The following CENPE variants were observed in gnomAD, a reference collection of about 807,000 sequenced individuals.
CENPE encodes centromere protein E.
CENPE carries 145 observed loss-of-function variants against 336.1 expected under a neutral mutation model. That is an observed-to-expected ratio of 0.43 (90% confidence interval 0.38 to 0.50). The LOEUF (loss-of-function observed/expected upper bound fraction) is 0.50. Among genes scored for constraint, CENPE ranks in the 20% least tolerant of loss-of-function variants. CENPE has a pLI of 0.00. For missense variants in CENPE, 2,719 were observed against 3,023.3 expected (o/e 0.90, Z 2.36); for synonymous variants, 1,013 against 984.8 (o/e 1.03, Z -0.54).
In CENPE at chr4:103,121,800, AT is replaced by A. The variant is rs1292969593; in HGVS notation, c.7143+1070del. On this transcript the variant is annotated intron_variant, in intron 43 of 48. Coordinates refer to ENST00000265148, the MANE Select transcript of CENPE (RefSeq NM_001813.3). ...TATCTTAAACTCCTAGGCTCAAGTAATCCTCCAACCTTGGCCTCCCAAAGTA... is the reference window on the plus strand; with the variant it reads ...TATCTTAAACTCCTAGGCTCAAGTAACCTCCAACCTTGGCCTCCCAAAGTA... 4.6e-5 allele frequency among the ~76,000 whole-genome samples: 7 copies of A among 152,188 alleles called. No homozygotes were observed. The South Asian group carries it at 1.5e-3, about 32-fold the overall frequency.
In CENPE at chr4:103,140,394, TTCC is replaced by T; in HGVS notation, c.5772_5774del (p.Glu1925del). On this transcript the variant is annotated inframe_deletion, in exon 37 of 49. Coordinates refer to ENST00000265148, the MANE Select transcript of CENPE (RefSeq NM_001813.3). The stretch of plus-strand genomic sequence containing the variant: ...TTGATAGCATACGAGCAGTTTTTAG[TTCC>T]TGTTGTATTTCCAGATCCTTTATGG... The T allele has an allele frequency of 6.3e-7, 1 of 1,594,854 alleles. No homozygotes were observed. The highest frequency in any genetic ancestry group is 8.5e-7 in the Non-Finnish European group (1 of 1,173,098).
chr4:103,116,706 G>A lies in CENPE; in HGVS notation c.7330-17C>T. The A allele has an allele frequency of 7.2e-7, 1 of 1,382,346 alleles. No individual in the cohort carries two copies. The highest frequency in any genetic ancestry group is 1.0e-6 in the Non-Finnish European group (1 of 1,002,200). The allele number at this position is 1,382,346 out of a possible 1,614,324, so 85.6% of individuals were successfully genotyped here. A position where few individuals can be genotyped will look rare whatever the true frequency, so the allele number is the denominator to read the frequency against. ...AACTTTGTCCTAAATTTTTTTTAGAGAAAATAAAAATAATTATTAGAGGCG... is the reference window on the plus strand; with the variant it reads ...AACTTTGTCCTAAATTTTTTTTAGAAAAAATAAAAATAATTATTAGAGGCG... On this transcript the variant is annotated splice_polypyrimidine_tract_variant and intron_variant, in intron 44 of 48. Transcript: ENST00000265148.
intron 13 of CENPE, among the ~76,000 whole-genome samples, chr4:103,177,643 T>C (rs999526200): frequency 7.9e-5 from 12 of 152,220 alleles, no homozygotes; most frequent in African/African-American, 2.9e-4. Context: ...TAAGGTTGTA[T>C]AGCCAATTGG....
Position 103,110,906 on chromosome 4 carries a change from T to C in CENPE, c.7646A>G (p.His2549Arg). Residue 2549 changes from histidine (H) to arginine (R), a missense_variant, in exon 47 of 49, where the codon CAT (histidine) becomes CGT (arginine). Around this residue, in one of 5 missense-constraint regions of CENPE, gnomAD observed 2,437 missense variants for 2,513.3 expected, o/e 0.97. Coordinates refer to ENST00000265148, the MANE Select transcript of CENPE (RefSeq NM_001813.3). Reference sequence around the variant, plus strand: ...AGAAATTTCTTTTTCTAGCCTTATATGTTCACTTTTCAAAATAAGAGCTTT... The same window carrying C: ...AGAAATTTCTTTTTCTAGCCTTATACGTTCACTTTTCAAAATAAGAGCTTT... ...NTKALILKSE[H>R]IRLEKEISKL... The C allele has an allele frequency of 6.2e-7, 1 of 1,612,220 alleles. No homozygotes were observed. Among genetic ancestry groups the C allele is most frequent in the Non-Finnish European group, 8.5e-7 (1 of 1,179,114 alleles).
chr4:103,112,715 A>T (rs1276604961), intron 46 of CENPE, among the ~76,000 whole-genome samples: 19 of 124,772 alleles, frequency 1.5e-4, no homozygotes, highest in African/African-American at 5.4e-4. Context: ...TATACTTATA[A>T]GTATATAAGT....
At chr4:103,181,716 C>T in intron 11 of CENPE, 1 of 266,422 alleles carries the variant, frequency 3.8e-6, no homozygotes. Flanking sequence ...TCATTTACCC[C>T]TCAAGGTCCA....
At chr4:103,110,797 A>C in intron 47 of CENPE, 31 bp downstream of exon 47, 2 of 1,515,660 alleles carry the variant, frequency 1.3e-6, no homozygotes, top group Non-Finnish European at 1.8e-6. Flanking sequence ...AGCCGTAAGC[A>C]TAATATCCGT....
chr4:103,109,285 G>A (rs1233091759), intron 47 of CENPE, among the ~76,000 whole-genome samples, 196 bp from the exon 48 acceptor site: 5 of 152,036 alleles, frequency 3.3e-5, no homozygotes, highest in Non-Finnish European at 2.9e-5. Flanking sequence ...AAAACAAAAT[G>A]GATCTATATA....
At chr4:103,183,673 G>C (rs1578677677) in intron 9 of CENPE, among the ~76,000 whole-genome samples, 1 of 151,690 alleles carries the variant, frequency 6.6e-6, no homozygotes, top group South Asian at 2.1e-4. Context: ...TTTTTAAATT[G>C]TTAATATGCT....
At chr4:103,115,010 G>C (rs962249084) in intron 45 of CENPE, among the ~76,000 whole-genome samples, 1 of 152,154 alleles carries the variant, frequency 6.6e-6, no homozygotes, top group African/African-American at 2.4e-5. Context: ...CTGTTCTCCA[G>C]TAGAAAGAGA....
Position 103,163,541 on chromosome 4 carries a change from G to A in CENPE, c.1660C>T (p.His554Tyr). 1 of 1,567,698 alleles carries A rather than the reference G, an allele frequency of 6.4e-7. No individual in the cohort carries two copies. The highest frequency in any genetic ancestry group is 2.3e-5 in the East Asian group (1 of 42,930). Residue 554 changes from histidine (H) to tyrosine (Y), a missense_variant, in exon 17 of 49, where the codon CAT becomes TAT. This residue lies in a region of CENPE where 2,437 missense variants were observed against 2,513.3 expected (regional missense o/e 0.97). Transcript: ENST00000265148. Reference sequence around the variant, plus strand: ...AAATTCTTTAAGTTCGAAATTTCATGAATTAGTTGCATCTGTAAGAGCATG... The same window carrying A: ...AAATTCTTTAAGTTCGAAATTTCATAAATTAGTTGCATCTGTAAGAGCATG... ...TKKDQEMQLI[H>Y]EISNLKNLVK... is the part of the protein sequence containing the mutation.
chr4:103,113,550 T>C (rs1749789173), intron 46 of CENPE, among the ~76,000 whole-genome samples: 1 of 141,484 alleles, frequency 7.1e-6, no homozygotes, highest in African/African-American at 2.6e-5. Context: ...TTATATATAA[T>C]ATATAATATA....
chr4:103,134,815 C>T (rs1751929434), intron 40 of CENPE, among the ~76,000 whole-genome samples: 1 of 152,306 alleles, frequency 6.6e-6, no homozygotes, highest in South Asian at 2.1e-4. Flanking sequence ...CCAGGTAGGG[C>T]AGATACCAGC....
At chr4:103,196,134 T>C (rs1192679955) in intron 3 of CENPE, 29 bp downstream of exon 3, 5 of 1,601,300 alleles carry the variant, frequency 3.1e-6, no homozygotes, top group Non-Finnish European at 4.3e-6. Context: ...AAGACTAAAA[T>C]GTTTCTGCAG....
intron 40 of CENPE, among the ~76,000 whole-genome samples, chr4:103,134,606 A>G (rs1011342230): frequency 2.1e-5 from 3 of 139,572 alleles, no homozygotes; most frequent in African/African-American, 8.0e-5. Flanking sequence ...ACTGCACTCC[A>G]GCCTGGGCAA....
At chr4:103,149,517 A>G (rs1185070922) in intron 26 of CENPE, 109 bp from the exon 27 acceptor site, 2 of 943,696 alleles carry the variant, frequency 2.1e-6, no homozygotes, top group Admixed American at 6.1e-5. Context: ...GGTAAGTAGC[A>G]TTAAAAGTAA....
intron 44 of CENPE, among the ~76,000 whole-genome samples, chr4:103,118,876 T>C (rs1457708015): frequency 1.3e-5 from 2 of 152,236 alleles, no homozygotes; most frequent in African/African-American, 4.8e-5. Flanking sequence ...GGTCCTCTGC[T>C]ACTTCTCACC....
chr4:103,168,942 T>G (rs1755156635), intron 16 of CENPE, among the ~76,000 whole-genome samples: 1 of 152,190 alleles, frequency 6.6e-6, no homozygotes, highest in Non-Finnish European at 1.5e-5. Context: ...CAGGGAAACA[T>G]GATGTCACCA....
chr4:103,173,678 A>G (rs1755616781), intron 16 of CENPE, among the ~76,000 whole-genome samples: 1 of 151,866 alleles, frequency 6.6e-6, no homozygotes, highest in African/African-American at 2.4e-5. Context: ...AACTAAAACA[A>G]CTCAATAGCA....
Sources: allele counts gnomAD v4.1 joint callset (sites outside exome capture counted in the v4.1 genomes callset), GRCh38; gene constraint gnomAD v4.1.1; regional missense constraint gnomAD v4.1.1; transcripts MANE v1.5; gene names NCBI Gene and HGNC (gene_info 2026-07-23, HGNC 2026-07-21).